HPN: variants seen among roughly 807,000 people sequenced by gnomAD.
HPN encodes the protein hepsin.
HPN carries 13 observed loss-of-function variants against 55.9 expected under a neutral mutation model. The observed-to-expected ratio is 0.23, with a 90% CI of 0.15 to 0.37. HPN has a LOEUF of 0.37. Among genes scored for constraint, HPN ranks in the 10% least tolerant of loss-of-function variants. The pLI is 1.00. For missense variants in HPN, 451 were observed against 575.8 expected, an observed-to-expected ratio of 0.78 and a Z score of 2.22; for synonymous variants, 225 against 240.3, an observed-to-expected ratio of 0.94 and a Z score of 0.59.
chr19:35,040,532 C>T (rs1040422536), upstream of HPN: 220 of 152,458 alleles, frequency 1.4e-3, 5 homozygotes, highest in Non-Finnish European at 2.8e-4. Context: ...GGGACCCTAC[C>T]TGAGGGCCCA....
intron 4 of HPN, chr19:35,050,410 C>G: frequency 1.2e-6 from 1 of 865,180 alleles, no homozygotes; most frequent in Non-Finnish European, 1.6e-6. Flanking sequence ...GCATGAGCCA[C>G]TGCGCCTGTC....
chr19:35,058,854 G>A (rs1025434635), intron 4 of HPN, among the ~76,000 whole-genome samples: 1 of 151,650 alleles, frequency 6.6e-6, no homozygotes, highest in African/African-American at 2.4e-5. Context: ...AAAGAGCTTC[G>A]GTTTCTCCAC....
chr19:35,046,975 C>T (rs1004769251), intron 2 of HPN, among the ~76,000 whole-genome samples: 1 of 152,112 alleles, frequency 6.6e-6, no homozygotes. Flanking sequence ...ATTACAGGTG[C>T]CTGCCACTGC....
At chr19:35,042,296 C>T (rs2064302137) in intron 1 of HPN, 157 bp from the exon 2 acceptor site, 1 of 1,398,290 alleles carries the variant, frequency 7.2e-7, no homozygotes. Flanking sequence ...CTGACCCCAT[C>T]CTTGAACCCA....
At chr19:35,050,552 T>C (rs1435428106) in intron 4 of HPN, 1 of 1,277,084 alleles carries the variant, frequency 7.8e-7, no homozygotes, top group Non-Finnish European at 1.0e-6. Flanking sequence ...GTGGAATGAA[T>C]GGCCACACAA....
rs906742691 is a variant in HPN, at chr19:35,065,523, G to C, written c.908-16G>C. ...ACACCCCCCAGCTCTGGCCAGCCTT[G>C]CCTGCACACCCCCAGGCCAACAGGC... is the stretch of plus-strand genomic sequence containing the variant. On this transcript the variant is annotated splice_polypyrimidine_tract_variant and intron_variant, in intron 10 of 12. Transcript: ENST00000672452. 5.6e-6 allele frequency: 9 copies of C among 1,613,362 alleles called. No individual in the cohort carries two copies. The African/African-American group carries it at 6.7e-5, about 12-fold the overall frequency.
chr19:35,062,000 G>A (rs2151767194), intron 9 of HPN, among the ~76,000 whole-genome samples: 1 of 152,042 alleles, frequency 6.6e-6, no homozygotes, highest in African/African-American at 2.4e-5. Context: ...TGAGGCTGCA[G>A]TGGGCTAGGA....
intron 12 of HPN, 69 bp from the exon 13 acceptor site, chr19:35,066,180 G>T: frequency 6.2e-7 from 1 of 1,613,780 alleles, no homozygotes; most frequent in Non-Finnish European, 8.5e-7. Flanking sequence ...GGGTTCCTGG[G>T]GAAGGGAAGC....
chr19:35,054,785 T>C (rs544064009), intron 4 of HPN, among the ~76,000 whole-genome samples: 1 of 152,174 alleles, frequency 6.6e-6, no homozygotes, highest in South Asian at 2.1e-4. Context: ...AGGCCTTGGT[T>C]GATGGTGGGG....
intron 2 of HPN, among the ~76,000 whole-genome samples, chr19:35,048,069 A>AAAAGGAAGG (rs2064364362): frequency 3.5e-5 from 2 of 56,630 alleles, no homozygotes; most frequent in African/African-American, 1.8e-4. Flanking sequence ...AGAAAGAAAG[A>AAAAGGAAGG]AAGAAAGAAA....
At chr19:35,048,618 A>G (rs2064371507) in intron 2 of HPN, among the ~76,000 whole-genome samples, 1 of 152,124 alleles carries the variant, frequency 6.6e-6, no homozygotes, top group East Asian at 1.9e-4. Context: ...GGCTGGCCAG[A>G]CGCAGTGGCT....
intron 4 of HPN, among the ~76,000 whole-genome samples, chr19:35,053,706 C>T (rs1474858966): frequency 6.6e-6 from 1 of 152,176 alleles, no homozygotes; most frequent in Non-Finnish European, 1.5e-5. Flanking sequence ...GATCGTGCCA[C>T]TGCACTCTAG....
At chr19:35,049,085 C>A (rs1021779375) in intron 2 of HPN, among the ~76,000 whole-genome samples, 1 of 152,178 alleles carries the variant, frequency 6.6e-6, no homozygotes, top group Non-Finnish European at 1.5e-5. Context: ...CCAGCTGGAA[C>A]CCTGGGGGAG....
chr19:35,051,526 T>C (rs1212236278), intron 4 of HPN, among the ~76,000 whole-genome samples: 1 of 152,136 alleles, frequency 6.6e-6, no homozygotes, highest in East Asian at 1.9e-4. Flanking sequence ...GGATTACAGG[T>C]GTGCACCACC....
At chr19:35,060,928 A>G in intron 9 of HPN, 111 bp downstream of exon 9, 2 of 928,710 alleles carry the variant, frequency 2.2e-6, no homozygotes, top group Non-Finnish European at 3.2e-6. Context: ...CTTGGCAATA[A>G]GGGGAATGAT....
intron 2 of HPN, among the ~76,000 whole-genome samples, chr19:35,042,726 C>T (rs1022074108): frequency 6.6e-6 from 1 of 152,124 alleles, no homozygotes; most frequent in African/African-American, 2.4e-5. Flanking sequence ...CTCCCTTCTA[C>T]CCTATGTGAC....
chr19:35,048,081 A>AC (rs2064365697), intron 2 of HPN, among the ~76,000 whole-genome samples: 1 of 35,210 alleles, frequency 2.8e-5, no homozygotes, highest in African/African-American at 1.1e-4. Context: ...AGAAAGAAAG[A>AC]AAAGGAAGGA....
Position 35,060,479 on chromosome 19 carries a change from A to G in HPN, c.587A>G (p.Asp196Gly). Reference sequence around the variant, plus strand: ...TGTGGGGGATCCCTGCTCTCCGGGGACTGGGTGCTGACAGCCGCCCACTGC... The same window carrying G: ...TGTGGGGGATCCCTGCTCTCCGGGGGCTGGGTGCTGACAGCCGCCCACTGC... ...HLCGGSLLSG[D>G]WVLTAAHCFP... The change falls in exon 8 of 13, where the codon GAC (aspartate) becomes GGC (glycine). Residue 196 changes from aspartate to glycine, a missense_variant. This residue lies in a region of HPN where 378 missense variants were observed against 445.5 expected (regional missense o/e 0.85). Coordinates refer to ENST00000672452, the MANE Select transcript of HPN (RefSeq NM_001384133.1). 6.2e-7 allele frequency: 1 copy of G among 1,613,298 alleles called. No individual in the cohort carries two copies. Among genetic ancestry groups the G allele is most frequent in the East Asian group, 2.2e-5 (1 of 44,878 alleles).
At position 35,065,522 on chromosome 19, in the gene HPN, T is replaced by C; in HGVS notation, c.908-17T>C. 1 of 1,613,440 alleles carries C rather than the reference T, an allele frequency of 6.2e-7. No individual in the cohort carries two copies. On this transcript the variant is annotated splice_polypyrimidine_tract_variant and intron_variant, in intron 10 of 12. Transcript: ENST00000672452. ...TACACCCCCCAGCTCTGGCCAGCCT[T>C]GCCTGCACACCCCCAGGCCAACAGG...
Sources: allele counts gnomAD v4.1 joint callset (sites outside exome capture counted in the v4.1 genomes callset), GRCh38; gene constraint gnomAD v4.1.1; regional missense constraint gnomAD v4.1.1; transcripts MANE v1.5; gene names NCBI Gene and HGNC (gene_info 2026-07-23, HGNC 2026-07-21).